Variants in SLC4A7 observed in about 807,000 individuals in gnomAD.
SLC4A7 encodes the protein solute carrier family 4 member 7, also known as sodium bicarbonate cotransporter 3.
In SLC4A7, 51 loss-of-function variants were observed where a neutral mutation model predicts 137.6. The observed-to-expected ratio is 0.37, with a 90% CI of 0.30 to 0.47. The LOEUF (loss-of-function observed/expected upper bound fraction) is 0.47, where lower values mean the gene tolerates loss of function less well. Ranked by LOEUF, SLC4A7 falls within the 20% of genes least tolerant of loss-of-function variation. The pLI is 1.00. For missense variants in SLC4A7, 1,247 were observed against 1,525.4 expected (o/e 0.82, Z 3.04); for synonymous variants, 542 against 518.6 (o/e 1.05, Z -0.61).
In SLC4A7 at chr3:27,404,861, C is replaced by T. The variant is rs1382297846; in HGVS notation, c.2044G>A (p.Val682Met). ...TILGSTGPVL[V>M]FEKILYKFCR... ...AATTTATATAAAATTTTTTCAAACA[C>T]TAGAACTGGACCTGTGCTCCCCAAT... The change falls in exon 14 of 26, where the codon GTG becomes ATG. Residue 682 changes from valine (V) to methionine (M), a missense_variant. Transcript: ENST00000454389. 1.2e-6 allele frequency: 2 copies of T among 1,609,156 alleles called. No individual in the cohort carries two copies. The highest frequency in any genetic ancestry group is 1.7e-6 in the Non-Finnish European group (2 of 1,178,428).
intron 16 of SLC4A7, 115 bp downstream of exon 16, chr3:27,400,649 T>G: frequency 1.6e-6 from 1 of 631,906 alleles, no homozygotes. Flanking sequence ...AACACTACAT[T>G]CTGAAAACAT....
At chr3:27,425,992 T>G (rs2055572311) in intron 7 of SLC4A7, among the ~76,000 whole-genome samples, 1 of 152,188 alleles carries the variant, frequency 6.6e-6, no homozygotes. Flanking sequence ...GATGTACTGG[T>G]AATCAAGTTC....
chr3:27,442,787 A>G (rs1008613462), intron 3 of SLC4A7, among the ~76,000 whole-genome samples: 1 of 152,100 alleles, frequency 6.6e-6, no homozygotes. Flanking sequence ...GGGAAAAAGA[A>G]CAACACAGCA....
chr3:27,470,667 G>T (rs2059204183), intron 1 of SLC4A7, among the ~76,000 whole-genome samples: 1 of 150,768 alleles, frequency 6.6e-6, no homozygotes, highest in Non-Finnish European at 1.5e-5. Context: ...AAACAGCCAG[G>T]CACGGTGGCT....
chr3:27,476,705 T>C (rs1185536205), intron 1 of SLC4A7, among the ~76,000 whole-genome samples: 1 of 152,180 alleles, frequency 6.6e-6, no homozygotes, highest in Non-Finnish European at 1.5e-5. Context: ...CCTACTGCCA[T>C]GTGAAGACTT....
intron 3 of SLC4A7, 98 bp from the exon 4 acceptor site, chr3:27,437,624 TA>T: frequency 1.7e-6 from 1 of 579,564 alleles, no homozygotes; most frequent in Non-Finnish European, 2.7e-6. Flanking sequence ...GTTACCTGTA[TA>T]AACAAATATA....
At position 27,477,759 on chromosome 3, in the gene SLC4A7, C is replaced by T. The variant is rs571285085; in HGVS notation, c.60+6308G>A. On this transcript the variant is annotated intron_variant, in intron 1 of 25. Transcript: ENST00000454389. ...CCTCCCAAGTAGCTGGGATTACAGGCGCACAGCACCACGCCCTGGTAATTT... is the reference window on the plus strand; with the variant it reads ...CCTCCCAAGTAGCTGGGATTACAGGTGCACAGCACCACGCCCTGGTAATTT... 1.2e-4 allele frequency among the ~76,000 whole-genome samples: 18 copies of T among 152,190 alleles called. No individual in the cohort carries two copies. In the South Asian group the frequency reaches 2.9e-3, roughly 25 times the overall value.
intron 20 of SLC4A7, among the ~76,000 whole-genome samples, chr3:27,394,043 G>C (rs2051877152): frequency 6.6e-6 from 1 of 152,054 alleles, no homozygotes; most frequent in Non-Finnish European, 1.5e-5. Context: ...TTTTGAGACA[G>C]GATCTCACTT....
In SLC4A7 at chr3:27,410,957, TAC is replaced by T. The variant is rs200938082; in HGVS notation, c.1766+683_1766+684del. On this transcript the variant is annotated intron_variant, in intron 12 of 25. Transcript: ENST00000454389. ...TCTGTATAAGATTCCCTGTTTTTTT[TAC>T]ACAAAGATTTAATATTTAAGATTAT... 3.0e-3 allele frequency among the ~76,000 whole-genome samples: 456 copies of T among 152,266 alleles called. 7 individuals are homozygous for T. Among genetic ancestry groups the T allele is most frequent in the African/African-American group, 0.011 (439 of 41,572 alleles).
chr3:27,452,626 G>T, intron 1 of SLC4A7, 128 bp from the exon 2 acceptor site: 1 of 477,576 alleles, frequency 2.1e-6, no homozygotes, highest in Non-Finnish European at 3.6e-6. Context: ...ACTCATTACA[G>T]CTAATTGCAT....
chr3:27,456,767 T>G, intron 1 of SLC4A7: 1 of 1,574,714 alleles, frequency 6.4e-7, no homozygotes, highest in Non-Finnish European at 8.6e-7. Flanking sequence ...CATATCTGAT[T>G]TAGGTCACTG....
chr3:27,448,019 C>T (rs769238445), intron 3 of SLC4A7, among the ~76,000 whole-genome samples: 1 of 151,796 alleles, frequency 6.6e-6, no homozygotes, highest in Non-Finnish European at 1.5e-5. Flanking sequence ...CAAGACCAGC[C>T]TGGCCAACAT....
intron 1 of SLC4A7, among the ~76,000 whole-genome samples, chr3:27,474,014 G>A (rs1364814496): frequency 1.3e-5 from 2 of 152,114 alleles, no homozygotes; most frequent in Admixed American, 6.6e-5. Context: ...TTATCGTCCT[G>A]CCTCAACAGA....
chr3:27,476,861 A>C (rs1415059269), intron 1 of SLC4A7, among the ~76,000 whole-genome samples: 1 of 152,192 alleles, frequency 6.6e-6, no homozygotes, highest in African/African-American at 2.4e-5. Context: ...GTCATAACAG[A>C]CTAATACATC....
chr3:27,481,368 T>G (rs1286802297), intron 1 of SLC4A7, among the ~76,000 whole-genome samples: 1 of 152,232 alleles, frequency 6.6e-6, no homozygotes, highest in East Asian at 1.9e-4. Context: ...GGGCTCCAAT[T>G]TCAGAGTAAT....
At chr3:27,452,547 G>T in intron 1 of SLC4A7, 49 bp from the exon 2 acceptor site, 1 of 1,272,812 alleles carries the variant, frequency 7.9e-7, no homozygotes, top group South Asian at 1.3e-5. Context: ...ATCTATTGAG[G>T]ACCTATTATA....
intron 1 of SLC4A7, among the ~76,000 whole-genome samples, chr3:27,482,978 A>C (rs963029825): frequency 3.3e-5 from 5 of 152,282 alleles, no homozygotes; most frequent in African/African-American, 1.2e-4. Context: ...CTAAAAGTTA[A>C]AAGGGAAAGC....
intron 20 of SLC4A7, among the ~76,000 whole-genome samples, chr3:27,392,322 T>G (rs1373667351): frequency 6.6e-6 from 1 of 152,178 alleles, no homozygotes; most frequent in African/African-American, 2.4e-5. Flanking sequence ...TCTACACAGT[T>G]CACACCTATT....
chr3:27,394,269 T>C (rs936995607), intron 20 of SLC4A7, among the ~76,000 whole-genome samples: 6 of 152,176 alleles, frequency 3.9e-5, no homozygotes, highest in Admixed American at 2.0e-4. Flanking sequence ...TCCTCCTTCC[T>C]TGGCCTCCCA....
Sources: allele counts gnomAD v4.1 joint callset (sites outside exome capture counted in the v4.1 genomes callset), GRCh38; gene constraint gnomAD v4.1.1; transcripts MANE v1.5; gene names NCBI Gene and HGNC (gene_info 2026-07-23, HGNC 2026-07-21).